Variants in GPC1 observed in about 807,000 individuals in gnomAD.
GPC1 encodes glypican 1, also known as glypican-1.
A neutral mutation model predicts 51.5 loss-of-function variants in GPC1; 26 were observed. That is an observed-to-expected ratio of 0.50 (90% confidence interval 0.37 to 0.70). The LOEUF (loss-of-function observed/expected upper bound fraction) is 0.70, where lower values mean the gene tolerates loss of function less well. Among genes scored for constraint, GPC1 ranks in the 30% least tolerant of loss-of-function variants. The pLI, the probability that GPC1 is intolerant of heterozygous loss-of-function variation, is 0.00. For synonymous variants in GPC1, 380 were observed against 348.3 expected, an observed-to-expected ratio of 1.09 and a Z score of -1.01; for missense variants, 775 against 800.5, an observed-to-expected ratio of 0.97 and a Z score of 0.38.
intron 1 of GPC1, among the ~76,000 whole-genome samples, chr2:240,447,179 C>T (rs1404284581): frequency 6.6e-6 from 1 of 152,120 alleles, no homozygotes; most frequent in Non-Finnish European, 1.5e-5. Context: ...ACCCCAGAGC[C>T]AGGAGGGGCG....
At chr2:240,464,179 C>T (rs765561018) in intron 4 of GPC1, 36 of 234,040 alleles carry the variant, frequency 1.5e-4, no homozygotes, top group Non-Finnish European at 1.5e-4. Flanking sequence ...TCACCGTGCA[C>T]GCAACACACA....
At position 240,463,440 on chromosome 2, in the gene GPC1, T is replaced by A. The variant is rs1457114524; in HGVS notation, c.811T>A (p.Tyr271Asn). 1 of 1,612,872 alleles carries A rather than the reference T, an allele frequency of 6.2e-7. No homozygotes were observed. Among genetic ancestry groups the A allele is most frequent in the Non-Finnish European group, 8.5e-7 (1 of 1,179,912 alleles). The change falls in exon 4 of 9, where the codon TAT becomes AAT. Residue 271 changes from tyrosine to asparagine, a missense_variant. Transcript: ENST00000264039. ...GVPGARPCPD[Y>N]CRNVLKGCLA... is the part of the protein sequence containing the mutation. ...CCCCGGCGCCAGGCCCTGCCCTGACTATTGCCGAAATGTGCTCAAGGGCTG... is the reference window on the plus strand; with the variant it reads ...CCCCGGCGCCAGGCCCTGCCCTGACAATTGCCGAAATGTGCTCAAGGGCTG...
At chr2:240,450,846 G>C (rs1291753571) in intron 1 of GPC1, 1 of 458,722 alleles carries the variant, frequency 2.2e-6, no homozygotes, top group East Asian at 7.0e-5. Flanking sequence ...CAAGAAAGTG[G>C]AGGCTCCCCT....
In GPC1 at chr2:240,446,979, G is replaced by T. The variant is rs1051692689; in HGVS notation, c.166+10895G>T. ...AGCCCGAGCATCTCATCCATGGGGG[G>T]ATAAGGGGTGTCCATCCACAGCCGT... is the stretch of plus-strand genomic sequence containing the variant. On this transcript the variant is annotated intron_variant, in intron 1 of 8. Coordinates refer to ENST00000264039, the MANE Select transcript of GPC1 (RefSeq NM_002081.3). Among the ~76,000 whole-genome samples, 4 of 152,158 alleles carry T rather than the reference G, an allele frequency of 2.6e-5. No homozygotes were observed. The East Asian group carries it at 7.7e-4, about 29-fold the overall frequency.
chr2:240,460,588 T>C (rs571172310), intron 2 of GPC1, among the ~76,000 whole-genome samples: 118 of 152,250 alleles, frequency 7.8e-4, no homozygotes, highest in African/African-American at 2.8e-3. Flanking sequence ...GGGGTTGGTG[T>C]CGCTGCCCTG....
chr2:240,450,276 C>T (rs569219517), intron 1 of GPC1: 8 of 320,818 alleles, frequency 2.5e-5, no homozygotes, highest in Non-Finnish European at 4.3e-5. Context: ...CTCCTGGGAC[C>T]GCCCAGACCT....
intron 1 of GPC1, among the ~76,000 whole-genome samples, chr2:240,443,140 T>A (rs2074028861): frequency 6.6e-6 from 1 of 152,260 alleles, no homozygotes; most frequent in South Asian, 2.1e-4. Flanking sequence ...GCCTGTGCCG[T>A]CACAGAACTG....
chr2:240,450,962 G>A, intron 1 of GPC1: 1 of 403,516 alleles, frequency 2.5e-6, no homozygotes, highest in Non-Finnish European at 5.2e-6. Context: ...ATGGAGGGAA[G>A]TGGCAGGTCA....
chr2:240,450,321 C>T (rs1574762682), intron 1 of GPC1: 1 of 337,494 alleles, frequency 3.0e-6, no homozygotes, highest in East Asian at 8.1e-5. Context: ...GCTCCTGCTT[C>T]AGCCTTTGCC....
intron 1 of GPC1, among the ~76,000 whole-genome samples, chr2:240,438,896 G>A (rs1432120373): frequency 1.3e-5 from 2 of 152,138 alleles, no homozygotes; most frequent in South Asian, 2.1e-4. Context: ...CAGGGCACCC[G>A]GCCACCCTCC....
Position 240,462,393 on chromosome 2 carries a change from G to C in GPC1, c.528G>C (p.Lys176Asn). The change falls in exon 3 of 9, where the codon AAG becomes AAC. Residue 176 changes from lysine (K) to asparagine (N), a missense_variant. Physicochemically the swap from Lys to Asn is moderately conservative, Grantham distance 94. Coordinates refer to ENST00000264039, the MANE Select transcript of GPC1 (RefSeq NM_002081.3). ...FWARLLERLF[K>N]QLHPQLLLPD... ...CCCGCCTGCTCGAGCGCCTCTTCAAGCAGCTGCACCCCCAGCTGCTGCTGC... is the reference window on the plus strand; with the variant it reads ...CCCGCCTGCTCGAGCGCCTCTTCAACCAGCTGCACCCCCAGCTGCTGCTGC... The C allele has an allele frequency of 6.3e-7, 1 of 1,597,796 alleles. No individual in the cohort carries two copies.
At chr2:240,450,717 G>A (rs2151789613) in intron 1 of GPC1, 1 of 468,520 alleles carries the variant, frequency 2.1e-6, no homozygotes, top group East Asian at 7.0e-5. Context: ...GCTGGCAGTG[G>A]GTCGTGTTCG....
chr2:240,461,115 T>C (rs1307438802), intron 2 of GPC1, among the ~76,000 whole-genome samples: 2 of 152,218 alleles, frequency 1.3e-5, no homozygotes, highest in East Asian at 3.8e-4. Context: ...AAGCCGCCCC[T>C]TTCCGGGACA....
intron 1 of GPC1, chr2:240,450,855 C>A: frequency 2.2e-6 from 1 of 451,952 alleles, no homozygotes; most frequent in Non-Finnish European, 4.6e-6. Context: ...GGAGGCTCCC[C>A]TGGCAGAGGT....
Position 240,450,641 on chromosome 2 carries a change from C to A in GPC1, c.167-8389C>A, listed in dbSNP as rs1281641819. ...GTGACCTCCCATTCAGGGGCGTGCC[C>A]CGTCGAGCCCCGTGCTTCCTCTGGG... On this transcript the variant is annotated intron_variant, in intron 1 of 8. Coordinates refer to ENST00000264039, the MANE Select transcript of GPC1 (RefSeq NM_002081.3). 8.5e-6 allele frequency: 4 copies of A among 470,602 alleles called. No homozygotes were observed. The Admixed American group carries it at 9.4e-5, about 11-fold the overall frequency. 29.2% of individuals were successfully genotyped at this position (470,602 alleles called of 1,614,324 possible).
intron 2 of GPC1, among the ~76,000 whole-genome samples, chr2:240,461,267 G>A (rs1268730867): frequency 6.6e-6 from 1 of 152,192 alleles, no homozygotes; most frequent in Non-Finnish European, 1.5e-5. Flanking sequence ...TCAGCGTGGG[G>A]GCTGATCCAG....
chr2:240,466,519 A>C lies in GPC1; in HGVS notation c.*229A>C, dbSNP rs537456271. Reference sequence around the variant, plus strand: ...AGGTCAGCTGGGAGCCAGTGTGCCCAAAAGCCATGTATTTCAGGGACCTCA... The same window carrying C: ...AGGTCAGCTGGGAGCCAGTGTGCCCCAAAGCCATGTATTTCAGGGACCTCA... On this transcript the variant is annotated 3_prime_UTR_variant, in exon 9 of 9. Transcript: ENST00000264039. 1.6e-5 allele frequency: 9 copies of C among 551,298 alleles called. No individual in the cohort carries two copies. Among genetic ancestry groups the C allele is most frequent in the Middle Eastern group, 4.7e-4 (1 of 2,130 alleles). The allele number at this position is 551,298 out of a possible 1,614,324, so 34.2% of individuals were successfully genotyped here.
intron 2 of GPC1, 36 bp from the exon 3 acceptor site, chr2:240,462,155 A>G: frequency 1.3e-6 from 2 of 1,517,552 alleles, no homozygotes; most frequent in Non-Finnish European, 1.8e-6. Flanking sequence ...CGGCGGGGGA[A>G]ACATGGTCCC....
chr2:240,455,906 G>T, intron 1 of GPC1: 1 of 319,768 alleles, frequency 3.1e-6, no homozygotes, highest in Non-Finnish European at 6.1e-6. Flanking sequence ...CGTGCGTCCA[G>T]CCTGCAGCGG....
Sources: allele counts gnomAD v4.1 joint callset (sites outside exome capture counted in the v4.1 genomes callset), GRCh38; gene constraint gnomAD v4.1.1; transcripts MANE v1.5; gene names NCBI Gene and HGNC (gene_info 2026-07-23, HGNC 2026-07-21).